ZNF536: variants seen among roughly 807,000 people sequenced by gnomAD.
ZNF536 encodes zinc finger protein 536.
In ZNF536, 13 loss-of-function variants were observed where a neutral mutation model predicts 84.5. That is an observed-to-expected ratio of 0.15 (90% CI 0.10 to 0.24). The LOEUF (loss-of-function observed/expected upper bound fraction) is 0.24. ZNF536 is among the 10% of genes least tolerant of loss of function. The pLI, the probability that ZNF536 is intolerant of heterozygous loss-of-function variation, is 1.00. For missense variants in ZNF536, 1,536 were observed against 1,747.5 expected (o/e 0.88, Z 2.16); for synonymous variants, 811 against 742.5 (o/e 1.09, Z -1.50).
chr19:30,325,636 G>A (rs2046998674), intron 2 of ZNF536, among the ~76,000 whole-genome samples: 1 of 152,204 alleles, frequency 6.6e-6, no homozygotes, highest in Non-Finnish European at 1.5e-5. Flanking sequence ...TTGCCACAGA[G>A]CACTTAGGGG....
chr19:30,325,590 G>T (rs1600227627), intron 2 of ZNF536, among the ~76,000 whole-genome samples: 1 of 152,224 alleles, frequency 6.6e-6, no homozygotes, highest in African/African-American at 2.4e-5. Context: ...CTCAAGTCTG[G>T]TTCCTCAGAC....
intron 2 of ZNF536, among the ~76,000 whole-genome samples, chr19:30,531,436 T>G (rs2145881101): frequency 6.7e-6 from 1 of 148,714 alleles, no homozygotes; most frequent in African/African-American, 2.5e-5. Flanking sequence ...CAGTGTCTTC[T>G]TTTTTGTGAT....
At chr19:30,441,825 A>C (rs73546122) in intron 1 of ZNF536, among the ~76,000 whole-genome samples, 1 of 152,158 alleles carries the variant, frequency 6.6e-6, no homozygotes, top group Admixed American at 6.5e-5. Flanking sequence ...GTAAACATTC[A>C]TGGCTCTTTC....
chr19:30,518,270 G>C (rs2044173615), intron 2 of ZNF536, among the ~76,000 whole-genome samples: 1 of 152,194 alleles, frequency 6.6e-6, no homozygotes. Flanking sequence ...CTTACGAAGG[G>C]TAGCTTCAGT....
chr19:30,311,303 G>C (rs376226849), intron 2 of ZNF536, among the ~76,000 whole-genome samples: 3 of 152,176 alleles, frequency 2.0e-5, no homozygotes, highest in Admixed American at 6.5e-5. Context: ...CCCCAAAAAG[G>C]CAGGTGCCCT....
chr19:30,239,764 C>T (rs1326686697), intron 1 of ZNF536, among the ~76,000 whole-genome samples: 1 of 152,210 alleles, frequency 6.6e-6, no homozygotes, highest in African/African-American at 2.4e-5. Context: ...CCCAGGGCAC[C>T]CTTGCCTTTC....
chr19:30,606,709 C>T (rs772618786), intron 1 of ZNF536, among the ~76,000 whole-genome samples: 28 of 152,208 alleles, frequency 1.8e-4, no homozygotes, highest in Non-Finnish European at 3.1e-4. Context: ...CAGGCACAAA[C>T]GGGAGGGTGG....
At chr19:30,646,452 G>A (rs2049472605) in intron 1 of ZNF536, among the ~76,000 whole-genome samples, 2 of 152,216 alleles carry the variant, frequency 1.3e-5, no homozygotes, top group Non-Finnish European at 2.9e-5. Flanking sequence ...GTGTGAAGGT[G>A]TGCTCATGAA....
rs73924784 is a variant in ZNF536, at chr19:30,578,236, A to T, written c.169+28722A>T. The stretch of plus-strand genomic sequence containing the variant: ...CCGGCAATTTCAGATTAAAGAAAAA[A>T]ATGTTCCTCTGACTCAGAGACCTGA... On this transcript the variant is annotated intron_variant, in intron 1 of 1. Coordinates refer to the ZNF536 transcript ENST00000592773. Among the ~76,000 whole-genome samples the T allele has an allele frequency of 9.4e-3, 1,429 of 152,326 alleles. 23 individuals carry two copies. Among genetic ancestry groups the T allele is most frequent in the African/African-American group, 0.033 (1,377 of 41,562 alleles).
At chr19:30,351,841 AG>A (rs1415590048) in intron 2 of ZNF536, among the ~76,000 whole-genome samples, 1 of 152,240 alleles carries the variant, frequency 6.6e-6, no homozygotes, top group East Asian at 1.9e-4. Flanking sequence ...TGAACAAAAA[AG>A]TGCTCGCACA....
chr19:30,444,901 A>G lies in ZNF536; in HGVS notation c.1339A>G (p.Ser447Gly), dbSNP rs2148203140. ...GFMTPDKAGL[S>G]EPSQLYGKGE... Reference sequence around the variant, plus strand: ...CATGACCCCGGACAAAGCCGGCCTGAGCGAGCCCAGCCAGCTCTATGGCAA... The same window carrying G: ...CATGACCCCGGACAAAGCCGGCCTGGGCGAGCCCAGCCAGCTCTATGGCAA... The change falls in exon 2 of 5, where the codon AGC becomes GGC. Residue 447 changes from serine to glycine, a missense_variant. By Grantham distance (56) the Ser-to-Gly change is moderately conservative. Around this residue, in one of 8 missense-constraint regions of ZNF536, gnomAD observed 366 missense variants for 364.4 expected, o/e 1.00. Coordinates refer to ENST00000355537, the MANE Select transcript of ZNF536 (RefSeq NM_014717.3). 6.2e-7 allele frequency: 1 copy of G among 1,611,272 alleles called. No individual in the cohort carries two copies. Among genetic ancestry groups the G allele is most frequent in the Non-Finnish European group, 8.5e-7 (1 of 1,178,876 alleles).
chr19:30,656,162 C>T (rs2049904611), intron 1 of ZNF536, among the ~76,000 whole-genome samples: 1 of 152,132 alleles, frequency 6.6e-6, no homozygotes. Flanking sequence ...AGACCTTCTC[C>T]TTGGTTCCTC....
chr19:30,364,600 G>A (rs1490642068), intron 3 of ZNF536, among the ~76,000 whole-genome samples: 1 of 152,172 alleles, frequency 6.6e-6, no homozygotes, highest in East Asian at 1.9e-4. Context: ...GGCTTATAGT[G>A]ACTGCAGGAA....
At chr19:30,579,388 T>A (rs114822063) in intron 1 of ZNF536, among the ~76,000 whole-genome samples, 1,662 of 152,310 alleles carry the variant, frequency 0.011, 33 homozygotes, top group South Asian at 0.05. Context: ...GACTTCCTCA[T>A]GATTCAGTAG....
At chr19:30,333,181 A>AAG (rs1164361391) in intron 2 of ZNF536, among the ~76,000 whole-genome samples, 7 of 100,040 alleles carry the variant, frequency 7.0e-5, no homozygotes, top group African/African-American at 2.6e-4. Flanking sequence ...AAGTAAGTAA[A>AAG]TAAATAAATA....
chr19:30,509,073 G>T (rs1340225613), intron 2 of ZNF536, among the ~76,000 whole-genome samples: 4 of 150,620 alleles, frequency 2.7e-5, no homozygotes, highest in African/African-American at 4.8e-5. Context: ...GGGCTTGAGT[G>T]ATCATCCTGC....
intron 1 of ZNF536, among the ~76,000 whole-genome samples, chr19:30,255,553 T>G (rs1032482206): frequency 2.6e-5 from 4 of 152,192 alleles, no homozygotes; most frequent in African/African-American, 9.7e-5. Context: ...CAGGATACGA[T>G]TACAGTAATT....
At chr19:30,340,149 G>A (rs2047519533) in intron 2 of ZNF536, among the ~76,000 whole-genome samples, 1 of 152,280 alleles carries the variant, frequency 6.6e-6, no homozygotes, top group South Asian at 2.1e-4. Context: ...TGGTCTCGTG[G>A]GCTGACTTGC....
chr19:30,613,523 C>A (rs2048175240), intron 1 of ZNF536, among the ~76,000 whole-genome samples: 1 of 152,118 alleles, frequency 6.6e-6, no homozygotes, highest in Non-Finnish European at 1.5e-5. Flanking sequence ...GGTTATAAAT[C>A]CATGACTGTC....
Sources: gnomAD v4.1 joint callset for allele counts (sites outside exome capture counted in the v4.1 genomes callset) on GRCh38, gnomAD v4.1.1 for gene constraint, gnomAD v4.1.1 regional missense constraint, MANE v1.5 for transcripts, NCBI Gene and HGNC (gene_info 2026-07-23, HGNC 2026-07-21) for gene names.